ZNF717: variants seen among roughly 807,000 people sequenced by gnomAD.
ZNF717 encodes the protein zinc finger protein 717.
In ZNF717, 9 loss-of-function variants were observed where a neutral mutation model predicts 13.8. The observed-to-expected ratio is 0.65, with a 90% CI of 0.39 to 1.14. The LOEUF (loss-of-function observed/expected upper bound fraction) is 1.14. Ranked by LOEUF, ZNF717 falls within the 50% of genes most tolerant of loss-of-function variation. The pLI, the probability that ZNF717 is intolerant of heterozygous loss-of-function variation, is 0.01. For missense variants in ZNF717, 1,040 were observed against 1,080.7 expected, an observed-to-expected ratio of 0.96 and a Z score of 0.53; for synonymous variants, 327 against 364.1, an observed-to-expected ratio of 0.90 and a Z score of 1.16.
chr3:75,710,626 T>A (rs1937911675), exon 6 of ZNF717: 1 of 152,192 alleles, frequency 6.6e-6, no homozygotes, highest in African/African-American at 2.4e-5. Context: ...ATGTCTTTGG[T>A]CATGACATCA....
chr3:75,711,276 TGTA>T (rs1937931373), exon 6 of ZNF717: 1 of 152,284 alleles, frequency 6.6e-6, no homozygotes. Flanking sequence ...ACTGAATTTT[TGTA>T]AACTATAGGT....
chr3:75,753,788 GTTCCTCAC>G, intron 2 of ZNF717, among the ~76,000 whole-genome samples: 1 of 49,274 alleles, frequency 2.0e-5, no homozygotes, highest in East Asian at 5.7e-4. Flanking sequence ...CTGATAGTTT[GTTCCTCAC>G]ATAGGATTCC....
intron 1 of ZNF717, among the ~76,000 whole-genome samples, chr3:75,784,411 T>G (rs948984153): frequency 6.6e-6 from 1 of 152,218 alleles, no homozygotes; most frequent in Non-Finnish European, 1.5e-5. Context: ...GGGGAGAAAG[T>G]CTTAAATTAC....
chr3:75,701,593 G>C (rs1176752008), intron 6 of ZNF717, among the ~76,000 whole-genome samples: 2 of 152,308 alleles, frequency 1.3e-5, no homozygotes, highest in Non-Finnish European at 2.9e-5. Flanking sequence ...TCAGGAGGCT[G>C]AGGCAGAGAA....
At chr3:75,756,299 T>C (rs1942467452) in intron 2 of ZNF717, among the ~76,000 whole-genome samples, 1 of 152,038 alleles carries the variant, frequency 6.6e-6, no homozygotes, top group African/African-American at 2.4e-5. Context: ...TCTTTCTCTC[T>C]TTTTCTCAGG....
intron 2 of ZNF717, among the ~76,000 whole-genome samples, chr3:75,752,040 T>G (rs1370069748): frequency 6.6e-6 from 1 of 151,628 alleles, no homozygotes. Context: ...TGTATGTTCC[T>G]CACATGGGAT....
In ZNF717 at chr3:75,738,656, T is replaced by A. The variant is rs1939869116; in HGVS notation, c.967A>T (p.Lys323Ter). 2 of 1,552,302 alleles carry A rather than the reference T, an allele frequency of 1.3e-6. No individual in the cohort carries two copies. Among genetic ancestry groups the A allele is most frequent in the African/African-American group, 2.7e-5 (2 of 73,068 alleles). Reference sequence around the variant, plus strand: ...CTCTGATGGATAATGAGGCTGGACTTATAGCTGAACAATTTTTCACACCAG... The same window carrying A: ...CTCTGATGGATAATGAGGCTGGACTAATAGCTGAACAATTTTTCACACCAG... ...CNWCEKLFSY[K>*]SSLIIHQRIH... Residue 323 changes from lysine to a stop codon, truncating the protein, a stop_gained, in exon 5 of 5, where the codon AAG becomes TAG. Coordinates refer to ENST00000652011, the MANE Select transcript of ZNF717 (RefSeq NM_001290208.3). LOFTEE classifies it low-confidence loss of function (END_TRUNC).
chr3:75,737,227 G>C lies in ZNF717; in HGVS notation c.2396C>G (p.Thr799Arg). 1 of 1,553,404 alleles carries C rather than the reference G, an allele frequency of 6.4e-7. No individual in the cohort carries two copies. The highest frequency in any genetic ancestry group is 8.7e-7 in the Non-Finnish European group (1 of 1,148,120). The part of the protein sequence containing the change: ...DECRKTFYDK[T>R]VLTIHQRTHT... ...AGTTCTCTGATGTATGGTGAGAACT[G>C]TCTTATCGTAAAAAGTTTTCCTACA... Residue 799 changes from threonine to arginine, a missense_variant, in exon 5 of 5, where the codon ACA becomes AGA. Physicochemically the swap from Thr to Arg is moderately conservative, Grantham distance 71 (BLOSUM62 -1). Coordinates refer to ENST00000652011, the MANE Select transcript of ZNF717 (RefSeq NM_001290208.3).
At chr3:75,734,015 T>A (rs1938848381), downstream of ZNF717, among the ~76,000 whole-genome samples, 1 of 130,780 alleles carries the variant, frequency 7.6e-6, no homozygotes, top group Admixed American at 7.9e-5. Context: ...TATTAAACAT[T>A]ATCTAGAGGA....
intron 2 of ZNF717, among the ~76,000 whole-genome samples, chr3:75,750,427 A>G (rs1172896237): frequency 6.9e-6 from 1 of 143,970 alleles, no homozygotes; most frequent in Non-Finnish European, 1.5e-5. Flanking sequence ...AGGATTCCAG[A>G]ACACTCCTAC....
At chr3:75,727,196 G>A (rs1250723075), downstream of ZNF717, among the ~76,000 whole-genome samples, 3 of 152,230 alleles carry the variant, frequency 2.0e-5, no homozygotes, top group Admixed American at 2.0e-4. Flanking sequence ...TCAAGACCCT[G>A]TGATGATTGC....
chr3:75,717,478 G>T (rs1938079098), intron 4 of ZNF717, among the ~76,000 whole-genome samples: 1 of 152,230 alleles, frequency 6.6e-6, no homozygotes, highest in Non-Finnish European at 1.5e-5. Context: ...GAGGATGAAT[G>T]AATGGAAAGA....
downstream of ZNF717, among the ~76,000 whole-genome samples, chr3:75,727,279 T>C (rs1243283787): frequency 6.6e-6 from 1 of 152,204 alleles, no homozygotes; most frequent in Non-Finnish European, 1.5e-5. Context: ...ACATGGGTGT[T>C]TGAACAATAT....
rs1319561611 is a variant in ZNF717, at chr3:75,720,661, T to A, written n.545-4120A>T. On this transcript the variant is annotated intron_variant and non_coding_transcript_variant, in intron 4 of 5. Coordinates refer to the ZNF717 transcript ENST00000491507. ...AATAAACAAAATAAAAATGTTTTATTAGTCTAAAACCTGTCAATATGACAT... is the reference window on the plus strand; with the variant it reads ...AATAAACAAAATAAAAATGTTTTATAAGTCTAAAACCTGTCAATATGACAT... Among the ~76,000 whole-genome samples the A allele has an allele frequency of 1.2e-4, 18 of 152,342 alleles. No homozygotes were observed. In the East Asian group the frequency reaches 3.5e-3, roughly 29 times the overall value.
intron 2 of ZNF717, among the ~76,000 whole-genome samples, chr3:75,749,421 C>T (rs369344652): frequency 1.1e-4 from 16 of 148,812 alleles, no homozygotes; most frequent in Non-Finnish European, 1.8e-4. Flanking sequence ...TAGGATTCAA[C>T]AACACTCCTG....
At chr3:75,695,198 A>C (rs1292524639) in intron 6 of ZNF717, among the ~76,000 whole-genome samples, 1 of 152,144 alleles carries the variant, frequency 6.6e-6, no homozygotes, top group Non-Finnish European at 1.5e-5. Flanking sequence ...CTTATACCAG[A>C]CAAACATAGA....
intron 4 of ZNF717, among the ~76,000 whole-genome samples, chr3:75,717,750 C>A (rs986549829): frequency 6.6e-6 from 1 of 152,134 alleles, no homozygotes; most frequent in East Asian, 1.9e-4. Context: ...CTCTCCTTAC[C>A]TGCACAGCTA....
At chr3:75,713,745 A>C (rs1220139756) in intron 5 of ZNF717, among the ~76,000 whole-genome samples, 2 of 152,146 alleles carry the variant, frequency 1.3e-5, no homozygotes, top group Non-Finnish European at 2.9e-5. Context: ...AAATAAAGGC[A>C]CAAGACAAAG....
chr3:75,729,168 G>T (rs1474355299), downstream of ZNF717, among the ~76,000 whole-genome samples: 16 of 152,062 alleles, frequency 1.1e-4, no homozygotes, highest in Non-Finnish European at 4.4e-5. Context: ...GTAGGCAGAG[G>T]GGTGAGAACA....
Sources: gnomAD v4.1 joint callset for allele counts (sites outside exome capture counted in the v4.1 genomes callset) on GRCh38, gnomAD v4.1.1 for gene constraint, MANE v1.5 for transcripts, NCBI Gene and HGNC (gene_info 2026-07-23, HGNC 2026-07-21) for gene names.